Variants in THSD7B observed in about 807,000 individuals in gnomAD.
THSD7B encodes thrombospondin type 1 domain containing 7B, also known as thrombospondin type-1 domain-containing protein 7B.
A neutral mutation model predicts 213.6 loss-of-function variants in THSD7B; 138 were observed. That is an observed-to-expected ratio of 0.65 (90% CI 0.56 to 0.74). THSD7B has a LOEUF of 0.74. Among genes scored for constraint, THSD7B ranks in the 30% least tolerant of loss-of-function variants. The pLI is 0.00. For missense variants in THSD7B, 1,931 were observed against 1,991.5 expected, an observed-to-expected ratio of 0.97 and a Z score of 0.58; for synonymous variants, 742 against 687.0, an observed-to-expected ratio of 1.08 and a Z score of -1.25.
At position 136,890,514 on chromosome 2, in the gene THSD7B, T is replaced by G. The variant is rs1683825281; in HGVS notation, c.139+8197T>G. Among the ~76,000 whole-genome samples, 9 of 62,516 alleles carry G rather than the reference T, an allele frequency of 1.4e-4. 2 individuals are homozygous for G. Among genetic ancestry groups the G allele is most frequent in the Non-Finnish European group, 2.6e-4 (9 of 34,714 alleles). The allele number at this position is 62,516 out of a possible 152,430, so 41.0% of individuals were successfully genotyped here. A position where few individuals can be genotyped will look rare whatever the true frequency, so the allele number is the denominator to read the frequency against. On this transcript the variant is annotated intron_variant, in intron 2 of 27. Coordinates refer to ENST00000409968, the MANE Select transcript of THSD7B (RefSeq NM_001316349.2). ...TCTCCTTTCTTCTCCTTTCTTCTTC[T>G]TCTTTCTTCTTCTTCTTCTTCTTCT...
intron 1 of THSD7B, among the ~76,000 whole-genome samples, chr2:136,797,972 A>T (rs1024805482): frequency 3.9e-5 from 6 of 151,942 alleles, no homozygotes; most frequent in Middle Eastern, 3.2e-3. Flanking sequence ...TCACTTTCTC[A>T]CTACTATAAT....
At chr2:136,903,891 G>T (rs1185005163) in intron 2 of THSD7B, among the ~76,000 whole-genome samples, 1 of 151,438 alleles carries the variant, frequency 6.6e-6, no homozygotes, top group Non-Finnish European at 1.5e-5. Context: ...AACTTTCAAA[G>T]GAGTTCTCAG....
intron 2 of THSD7B, among the ~76,000 whole-genome samples, chr2:136,971,547 T>G (rs889257972): frequency 3.3e-5 from 5 of 151,436 alleles, no homozygotes; most frequent in Non-Finnish European, 7.4e-5. Flanking sequence ...AAATATTGTA[T>G]AGAAAAGAAA....
chr2:137,237,335 A>C (rs779506048), intron 9 of THSD7B, among the ~76,000 whole-genome samples: 6 of 152,190 alleles, frequency 3.9e-5, no homozygotes, highest in Non-Finnish European at 8.8e-5. Flanking sequence ...TAAAAAGTGA[A>C]TCCATCTGTT....
chr2:137,516,523 A>C (rs1680072464), intron 15 of THSD7B, among the ~76,000 whole-genome samples: 1 of 152,230 alleles, frequency 6.6e-6, no homozygotes, highest in Admixed American at 6.5e-5. Context: ...GGACTACTGG[A>C]CATTGGCTCT....
At chr2:137,450,387 C>T (rs191467130) in intron 14 of THSD7B, among the ~76,000 whole-genome samples, 2 of 152,356 alleles carry the variant, frequency 1.3e-5, no homozygotes, top group African/African-American at 4.8e-5. Flanking sequence ...GGTCCACTGT[C>T]TGTCCTCTTC....
intron 2 of THSD7B, among the ~76,000 whole-genome samples, chr2:137,020,001 G>A (rs1686413600): frequency 6.6e-6 from 1 of 152,132 alleles, no homozygotes; most frequent in Admixed American, 6.6e-5. Context: ...AGGTTTGTGA[G>A]GATTAAGTTA....
chr2:137,609,357 T>C (rs1164324031), intron 17 of THSD7B, among the ~76,000 whole-genome samples: 1 of 152,226 alleles, frequency 6.6e-6, no homozygotes, highest in Non-Finnish European at 1.5e-5. Context: ...GCTGATATTT[T>C]TACGTAGCAT....
chr2:137,070,261 A>G (rs1687455177), intron 3 of THSD7B, among the ~76,000 whole-genome samples: 1 of 151,816 alleles, frequency 6.6e-6, no homozygotes, highest in Non-Finnish European at 1.5e-5. Context: ...ATTAGTTCAT[A>G]TTAGTTATTC....
chr2:137,399,338 A>G (rs977959745), intron 12 of THSD7B, among the ~76,000 whole-genome samples: 1 of 151,948 alleles, frequency 6.6e-6, no homozygotes, highest in African/African-American at 2.4e-5. Flanking sequence ...GATTACAGGT[A>G]TGCGCAGCCA....
chr2:137,073,833 T>C (rs1394071058), intron 3 of THSD7B, among the ~76,000 whole-genome samples: 2 of 152,262 alleles, frequency 1.3e-5, no homozygotes, highest in Non-Finnish European at 2.9e-5. Context: ...TGCCTTCAGT[T>C]CGTTATTTAC....
At chr2:137,315,778 T>C (rs1684084542) in intron 12 of THSD7B, among the ~76,000 whole-genome samples, 2 of 152,220 alleles carry the variant, frequency 1.3e-5, no homozygotes, top group African/African-American at 4.8e-5. Context: ...TAGCCAGTTA[T>C]CCCTAGTTAC....
At chr2:136,852,359 C>A (rs200743526) in intron 1 of THSD7B, among the ~76,000 whole-genome samples, 20 of 148,986 alleles carry the variant, frequency 1.3e-4, no homozygotes, top group Admixed American at 6.7e-4. Context: ...AACAAAAAAA[C>A]CAAAAAACCA....
At chr2:137,232,832 G>A in intron 8 of THSD7B, 67 bp from the exon 9 acceptor site, 2 of 1,454,202 alleles carry the variant, frequency 1.4e-6, no homozygotes, top group African/African-American at 1.4e-5. Context: ...GACCATTAAA[G>A]CAGCAGAAAC....
At chr2:137,407,316 T>C (rs1686547639) in intron 13 of THSD7B, among the ~76,000 whole-genome samples, 1 of 152,156 alleles carries the variant, frequency 6.6e-6, no homozygotes, top group Non-Finnish European at 1.5e-5. Context: ...TAAAAGACTG[T>C]TTGAAATTTC....
intron 20 of THSD7B, among the ~76,000 whole-genome samples, chr2:137,628,285 C>T (rs1364713922): frequency 6.6e-6 from 1 of 152,302 alleles, no homozygotes; most frequent in South Asian, 2.1e-4. Flanking sequence ...ATTCTACACA[C>T]TATACTCATA....
intron 27 of THSD7B, among the ~76,000 whole-genome samples, chr2:137,671,661 A>T (rs1294695864): frequency 6.6e-6 from 1 of 152,186 alleles, no homozygotes; most frequent in Non-Finnish European, 1.5e-5. Flanking sequence ...CCATGGGGGA[A>T]GCGATGATTC....
intron 10 of THSD7B, among the ~76,000 whole-genome samples, chr2:137,248,425 G>T (rs1043674693): frequency 1.3e-5 from 2 of 152,094 alleles, no homozygotes; most frequent in Non-Finnish European, 2.9e-5. Flanking sequence ...TTGAATGAAT[G>T]AATAAATAGA....
intron 4 of THSD7B, 87 bp downstream of exon 4, chr2:137,095,208 T>A: frequency 6.6e-7 from 1 of 1,518,964 alleles, no homozygotes. Flanking sequence ...TAGCTGTGAC[T>A]CATATTTATT....
Sources: allele counts gnomAD v4.1 joint callset (sites outside exome capture counted in the v4.1 genomes callset), GRCh38; gene constraint gnomAD v4.1.1; transcripts MANE v1.5; gene names NCBI Gene and HGNC (gene_info 2026-07-23, HGNC 2026-07-21).